PARD3: variants seen among roughly 807,000 people sequenced by gnomAD.
PARD3 encodes par-3 family cell polarity regulator, also known as partitioning defective 3 homolog.
A neutral mutation model predicts 155.4 loss-of-function variants in PARD3; 75 were observed. The ratio of observed to expected loss-of-function variants is 0.48; its 90% confidence interval spans 0.40 to 0.58. PARD3 has a LOEUF of 0.58. Ranked by LOEUF, PARD3 falls within the 20% of genes least tolerant of loss-of-function variation. The probability of loss-of-function intolerance (pLI) is 0.00; values close to 1 mark genes in which losing one functional copy is unlikely to be tolerated. For missense variants in PARD3, 1,642 were observed against 1,721.7 expected (o/e 0.95, Z 0.82); for synonymous variants, 576 against 610.5 (o/e 0.94, Z 0.83).
chr10:34,807,256 G>C (rs1843524365), intron 1 of PARD3, among the ~76,000 whole-genome samples: 1 of 152,202 alleles, frequency 6.6e-6, no homozygotes, highest in Admixed American at 6.5e-5. Flanking sequence ...GTTTTCATTT[G>C]AAGTGTTTTG....
At chr10:34,518,053 A>G (rs1027801511) in intron 2 of PARD3, among the ~76,000 whole-genome samples, 4 of 151,922 alleles carry the variant, frequency 2.6e-5, no homozygotes, top group Non-Finnish European at 5.9e-5. Context: ...TAATTTTTGT[A>G]TTTTTGGTAG....
intron 22 of PARD3, among the ~76,000 whole-genome samples, chr10:34,156,262 T>G (rs1488035181): frequency 6.6e-6 from 1 of 152,074 alleles, no homozygotes; most frequent in Non-Finnish European, 1.5e-5. Flanking sequence ...TACAAGCCAC[T>G]AATTTTTTCA....
chr10:34,444,416 C>G lies in PARD3; in HGVS notation c.714+5901G>C, dbSNP rs557855098. On this transcript the variant is annotated intron_variant, in intron 5 of 24. Coordinates refer to ENST00000374788, the MANE Select transcript of PARD3 (RefSeq NM_001184785.2). ...TGCCAATATCAAACTATATTCTATG[C>G]TGAGTCAGGGAAACAGTTACCATTA... 2.6e-5 allele frequency among the ~76,000 whole-genome samples: 4 copies of G among 152,310 alleles called. No individual in the cohort carries two copies. In the South Asian group the frequency reaches 8.3e-4, roughly 32 times the overall value.
chr10:34,187,300 T>C (rs1050540564), intron 22 of PARD3, among the ~76,000 whole-genome samples: 4 of 152,144 alleles, frequency 2.6e-5, no homozygotes, highest in South Asian at 2.1e-4. Flanking sequence ...GGCTCCACCA[T>C]GACAATGCAG....
chr10:34,643,372 A>G (rs2092739756), intron 2 of PARD3, among the ~76,000 whole-genome samples: 1 of 152,256 alleles, frequency 6.6e-6, no homozygotes, highest in South Asian at 2.1e-4. Context: ...CTCCAGCCAT[A>G]GCACATGAAC....
At chr10:34,559,465 GA>G in intron 2 of PARD3, among the ~76,000 whole-genome samples, 1 of 132,756 alleles carries the variant, frequency 7.5e-6, no homozygotes, top group East Asian at 2.2e-4. Context: ...AAAAAAAAAA[GA>G]AAAGAAACTA....
intron 5 of PARD3, among the ~76,000 whole-genome samples, chr10:34,444,374 G>A (rs1376526177): frequency 6.6e-6 from 1 of 152,202 alleles, no homozygotes; most frequent in African/African-American, 2.4e-5. Flanking sequence ...AACAAAGTCA[G>A]CTTATGATCT....
At chr10:34,781,794 G>A (rs1195254981) in intron 1 of PARD3, among the ~76,000 whole-genome samples, 1 of 152,154 alleles carries the variant, frequency 6.6e-6, no homozygotes, top group East Asian at 1.9e-4. Flanking sequence ...CAGTTCTGTG[G>A]GGTAAGACAG....
At chr10:34,189,059 C>T (rs990173275) in intron 22 of PARD3, among the ~76,000 whole-genome samples, 1 of 152,142 alleles carries the variant, frequency 6.6e-6, no homozygotes, top group Non-Finnish European at 1.5e-5. Context: ...TGGCTGGGAG[C>T]CATGGTTCAT....
chr10:34,163,830 T>C (rs1949397198), intron 22 of PARD3, among the ~76,000 whole-genome samples: 1 of 152,186 alleles, frequency 6.6e-6, no homozygotes, highest in Non-Finnish European at 1.5e-5. Flanking sequence ...AAGGATCTAC[T>C]GGAAGAAGGA....
chr10:34,336,310 T>C, intron 17 of PARD3, 67 bp from the exon 18 acceptor site: 1 of 1,192,298 alleles, frequency 8.4e-7, no homozygotes. Flanking sequence ...CTTCCACCAT[T>C]CCCAGATCTT....
At chr10:34,336,398 A>G (rs997656243) in intron 17 of PARD3, 155 bp from the exon 18 acceptor site, 26 of 578,406 alleles carry the variant, frequency 4.5e-5, no homozygotes, top group Non-Finnish European at 4.0e-5. Flanking sequence ...TAATCAAAAA[A>G]GGAGGAAAAA....
chr10:34,598,319 T>C (rs1328542208), intron 2 of PARD3, among the ~76,000 whole-genome samples: 2 of 152,012 alleles, frequency 1.3e-5, no homozygotes, highest in African/African-American at 2.4e-5. Context: ...ATTACAAATA[T>C]AGGGAAGGTG....
chr10:34,403,999 T>C (rs1320040335), intron 5 of PARD3, among the ~76,000 whole-genome samples: 1 of 152,152 alleles, frequency 6.6e-6, no homozygotes, highest in Non-Finnish European at 1.5e-5. Context: ...AACAGCCACA[T>C]AAATGAAATG....
chr10:34,734,701 C>T (rs1742159329), intron 1 of PARD3, among the ~76,000 whole-genome samples: 1 of 151,994 alleles, frequency 6.6e-6, no homozygotes, highest in African/African-American at 2.4e-5. Flanking sequence ...TAGGTCCCTA[C>T]CTTACCAAAT....
intron 1 of PARD3, among the ~76,000 whole-genome samples, chr10:34,742,977 A>G (rs1340998890): frequency 1.3e-5 from 2 of 152,206 alleles, no homozygotes; most frequent in Non-Finnish European, 2.9e-5. Context: ...CCATTTATTA[A>G]TATCGCCAAG....
At chr10:34,390,783 T>G (rs1842803508) in intron 7 of PARD3, among the ~76,000 whole-genome samples, 1 of 152,186 alleles carries the variant, frequency 6.6e-6, no homozygotes, top group Admixed American at 6.5e-5. Flanking sequence ...AAAGAATATC[T>G]TAGATGAACA....
At chr10:34,640,975 G>A (rs2092660987) in intron 2 of PARD3, among the ~76,000 whole-genome samples, 1 of 152,074 alleles carries the variant, frequency 6.6e-6, no homozygotes, top group Non-Finnish European at 1.5e-5. Context: ...TGCTCATCAA[G>A]AAATAAATCC....
At chr10:34,711,577 T>C (rs2094449480) in intron 1 of PARD3, among the ~76,000 whole-genome samples, 1 of 152,142 alleles carries the variant, frequency 6.6e-6, no homozygotes, top group South Asian at 2.1e-4. Flanking sequence ...ATTTCCTGTA[T>C]ATGCATGGTA....
Sources: allele counts gnomAD v4.1 joint callset (sites outside exome capture counted in the v4.1 genomes callset), GRCh38; gene constraint gnomAD v4.1.1; transcripts MANE v1.5; gene names NCBI Gene and HGNC (gene_info 2026-07-23, HGNC 2026-07-21).